The following ASAP1 variants were observed in gnomAD, a reference collection of about 807,000 sequenced individuals.
The protein encoded by ASAP1 is arf-GAP with SH3 domain, ANK repeat and PH domain-containing protein 1.
Under a neutral mutation model 145.2 loss-of-function variants are expected in ASAP1, and 43 were observed. The observed-to-expected ratio is 0.30, with a 90% CI of 0.23 to 0.38. ASAP1 has a LOEUF of 0.38. Among genes scored for constraint, ASAP1 ranks in the 10% least tolerant of loss-of-function variants. The probability of loss-of-function intolerance (pLI) is 1.00; values close to 1 mark genes in which losing one functional copy is unlikely to be tolerated. For synonymous variants in ASAP1, 546 were observed against 515.5 expected (o/e 1.06, Z -0.80); for missense variants, 1,018 against 1,355.3 (o/e 0.75, Z 3.91).
At position 130,266,629 on chromosome 8, in the gene ASAP1, T is replaced by A. The variant is rs182410607; in HGVS notation, c.187-29635A>T. Among the ~76,000 whole-genome samples the A allele has an allele frequency of 3.4e-3, 515 of 151,566 alleles. 1 individual carries two copies. Among genetic ancestry groups the A allele is most frequent in the African/African-American group, 0.012 (496 of 41,326 alleles). The stretch of plus-strand genomic sequence containing the variant: ...CCAAAAATATAAAAACATGAAAGAA[T>A]ACAATCTACCATGGGAGAGAACCAA... On this transcript the variant is annotated intron_variant, in intron 3 of 29. Coordinates refer to ENST00000518721, the MANE Select transcript of ASAP1 (RefSeq NM_018482.4).
intron 3 of ASAP1, among the ~76,000 whole-genome samples, chr8:130,320,968 T>C (rs760711916): frequency 6.6e-6 from 1 of 152,126 alleles, no homozygotes; most frequent in Non-Finnish European, 1.5e-5. Context: ...TAACTTCAAA[T>C]AGAGACAACC....
chr8:130,198,629 A>T (rs1440802084), intron 5 of ASAP1, among the ~76,000 whole-genome samples: 1 of 152,224 alleles, frequency 6.6e-6, no homozygotes, highest in Non-Finnish European at 1.5e-5. Context: ...GATATTGCTC[A>T]CAACACCTCT....
At chr8:130,204,090 A>G (rs1011488147) in intron 5 of ASAP1, among the ~76,000 whole-genome samples, 5 of 152,206 alleles carry the variant, frequency 3.3e-5, no homozygotes, top group African/African-American at 4.8e-5. Context: ...ACCAGGCCAC[A>G]CAGCAGGAGT....
rs942699348 is a variant in ASAP1, at chr8:130,177,906, AC to A, written c.746+1357del. On this transcript the variant is annotated intron_variant, in intron 9 of 29. Coordinates refer to ENST00000518721, the MANE Select transcript of ASAP1 (RefSeq NM_018482.4). ...TTTCACTTTTTACAGCCTTACAAAA[AC>A]CCTAAGGTGGTTGCTACAGAATCGT... Among the ~76,000 whole-genome samples the A allele has an allele frequency of 7.6e-4, 116 of 152,260 alleles. No homozygotes were observed. The Middle Eastern group carries it at 0.01, about 13-fold the overall frequency.
chr8:130,289,853 T>C (rs889635963), intron 3 of ASAP1, among the ~76,000 whole-genome samples: 3 of 152,166 alleles, frequency 2.0e-5, no homozygotes, highest in African/African-American at 7.2e-5. Flanking sequence ...TAGAACTCCA[T>C]TATCAGATTC....
chr8:130,139,331 G>T (rs2097603865), intron 13 of ASAP1, among the ~76,000 whole-genome samples: 1 of 152,102 alleles, frequency 6.6e-6, no homozygotes, highest in Admixed American at 6.5e-5. Flanking sequence ...AGAAGATTTG[G>T]GCCAGAAATA....
chr8:130,233,267 A>G (rs1818018200), intron 4 of ASAP1, among the ~76,000 whole-genome samples: 1 of 152,174 alleles, frequency 6.6e-6, no homozygotes, highest in African/African-American at 2.4e-5. Flanking sequence ...AATATTCATG[A>G]TTAGTGAATA....
At chr8:130,226,177 T>C (rs1051761866) in intron 4 of ASAP1, among the ~76,000 whole-genome samples, 1 of 152,046 alleles carries the variant, frequency 6.6e-6, no homozygotes, top group Non-Finnish European at 1.5e-5. Flanking sequence ...CTGCCCTCTG[T>C]TCCTGTTCAT....
chr8:130,055,327 CT>C (rs2097401489), intron 29 of ASAP1, among the ~76,000 whole-genome samples: 1 of 151,064 alleles, frequency 6.6e-6, no homozygotes, highest in Admixed American at 6.6e-5. Flanking sequence ...AATGAAAAGG[CT>C]GCTATGGCAC....
chr8:130,315,051 G>T (rs990263264), intron 3 of ASAP1, among the ~76,000 whole-genome samples: 11 of 152,118 alleles, frequency 7.2e-5, no homozygotes, highest in Non-Finnish European at 1.5e-5. Context: ...GACAATTAGT[G>T]GAGAAAATGT....
At chr8:130,160,976 A>G (rs1433087935) in intron 11 of ASAP1, among the ~76,000 whole-genome samples, 9 of 152,240 alleles carry the variant, frequency 5.9e-5, no homozygotes, top group Admixed American at 2.6e-4. Flanking sequence ...TTTGGGTGAC[A>G]GGACAATCAA....
intron 1 of ASAP1, among the ~76,000 whole-genome samples, chr8:130,429,025 T>G (rs924821106): frequency 6.6e-6 from 1 of 152,224 alleles, no homozygotes; most frequent in African/African-American, 2.4e-5. Flanking sequence ...AAATCCTTTA[T>G]GTTCCCTGAA....
chr8:130,313,363 A>G (rs1476346984), intron 3 of ASAP1, among the ~76,000 whole-genome samples: 4 of 152,042 alleles, frequency 2.6e-5, no homozygotes, highest in Non-Finnish European at 5.9e-5. Context: ...TGCAGCTCTC[A>G]CTCTCAATGA....
intron 25 of ASAP1, 150 bp downstream of exon 25, chr8:130,091,823 G>T: frequency 1.2e-6 from 1 of 827,460 alleles, no homozygotes; most frequent in Non-Finnish European, 1.8e-6. Flanking sequence ...TAAGAGACAG[G>T]TAGAATCATG....
chr8:130,366,952 C>T lies in ASAP1; in HGVS notation c.60-8809G>A, dbSNP rs1387768359. On this transcript the variant is annotated intron_variant, in intron 2 of 29. Transcript: ENST00000518721. ...GTCACCCCAGGCTGGAGTGCAGTGG[C>T]ACAATCCCGGCTCACTGCAACCTCC... 1.2e-4 allele frequency among the ~76,000 whole-genome samples: 17 copies of T among 138,712 alleles called. No individual in the cohort carries two copies. The East Asian group carries it at 3.2e-3, about 26-fold the overall frequency. The allele number at this position is 138,712 out of a possible 152,430, so 91.0% of individuals were successfully genotyped here.
intron 13 of ASAP1, among the ~76,000 whole-genome samples, chr8:130,144,718 A>G (rs924332092): frequency 3.9e-5 from 6 of 152,178 alleles, no homozygotes; most frequent in African/African-American, 7.2e-5. Context: ...AGGGAAAAAG[A>G]TAAGTAGTGA....
intron 24 of ASAP1, among the ~76,000 whole-genome samples, chr8:130,097,162 G>C (rs372407691): frequency 3.3e-5 from 2 of 59,980 alleles, no homozygotes; most frequent in South Asian, 7.2e-4. Flanking sequence ...AAAAAAAAAA[G>C]TCCTTGAAAA....
intron 24 of ASAP1, among the ~76,000 whole-genome samples, chr8:130,107,481 G>A (rs377012735): frequency 8.0e-5 from 12 of 150,742 alleles, no homozygotes; most frequent in Admixed American, 2.6e-4. Flanking sequence ...CACCATGCCC[G>A]GCCCATAGTC....
At chr8:130,375,766 G>T (rs915988479) in intron 2 of ASAP1, among the ~76,000 whole-genome samples, 1 of 152,120 alleles carries the variant, frequency 6.6e-6, no homozygotes, top group African/African-American at 2.4e-5. Flanking sequence ...GGCATAAGAT[G>T]TTCCCCACCT....
Sources: gnomAD v4.1 joint callset for allele counts (sites outside exome capture counted in the v4.1 genomes callset) on GRCh38, gnomAD v4.1.1 for gene constraint, MANE v1.5 for transcripts, NCBI Gene and HGNC (gene_info 2026-07-23, HGNC 2026-07-21) for gene names.